The following ITPRID1 variants were observed in gnomAD, a reference collection of about 807,000 sequenced individuals.
ITPRID1 encodes the protein ITPR interacting domain containing 1.
ITPRID1 carries 96 observed loss-of-function variants against 95.4 expected under a neutral mutation model. The ratio of observed to expected loss-of-function variants is 1.01; its 90% CI spans 0.85 to 1.19. The LOEUF (loss-of-function observed/expected upper bound fraction) is 1.19. Among genes scored for constraint, ITPRID1 ranks in the 50% most tolerant of loss-of-function variants. ITPRID1 has a pLI of 0.00. For missense variants in ITPRID1, 1,339 were observed against 1,252.9 expected (o/e 1.07, Z -1.04); for synonymous variants, 510 against 453.6 (o/e 1.12, Z -1.58).
At chr7:31,628,239 C>A (rs114405152) in intron 10 of ITPRID1, among the ~76,000 whole-genome samples, 339 of 152,228 alleles carry the variant, frequency 2.2e-3, no homozygotes, top group African/African-American at 7.8e-3. Context: ...CTACCGGTGC[C>A]TCCCATTGAT....
intron 10 of ITPRID1, among the ~76,000 whole-genome samples, chr7:31,609,313 G>A (rs1470651359): frequency 6.6e-6 from 1 of 151,458 alleles, no homozygotes; most frequent in African/African-American, 2.4e-5. Context: ...AAGTAATACT[G>A]GCCCCAGAGA....
chr7:31,519,620 C>CTCTCTA, intron 1 of ITPRID1, among the ~76,000 whole-genome samples: 59 of 25,242 alleles, frequency 2.3e-3, no homozygotes, highest in Middle Eastern at 0.023. Context: ...CTCTCTCTCT[C>CTCTCTA]TATATATATA....
chr7:31,658,385 T>C, downstream of ITPRID1: 4 of 1,497,040 alleles, frequency 2.7e-6, no homozygotes, highest in Non-Finnish European at 3.5e-6. Context: ...GACTCTGGTC[T>C]GTTGTAATTG....
Position 31,630,061 on chromosome 7 carries a change from T to C in ITPRID1, c.1229-12115T>C, listed in dbSNP as rs76787947. 1.6e-3 allele frequency among the ~76,000 whole-genome samples: 237 copies of C among 152,090 alleles called. 2 individuals carry two copies. The East Asian group carries it at 0.025, about 16-fold the overall frequency. The stretch of plus-strand genomic sequence containing the variant: ...TAGAAAGCTGAATGACAGAAGAAAA[T>C]GAAATTGTCAACAAATACTGATTAA... On this transcript the variant is annotated intron_variant, in intron 10 of 14. Transcript: ENST00000615280.
chr7:31,570,954 A>C (rs1245247350), intron 6 of ITPRID1, among the ~76,000 whole-genome samples: 2 of 152,108 alleles, frequency 1.3e-5, no homozygotes, highest in Non-Finnish European at 2.9e-5. Context: ...CAGAGTTTTT[A>C]CTATCCAGAA....
At chr7:31,526,724 G>C (rs7791839) in intron 1 of ITPRID1, among the ~76,000 whole-genome samples, 2 of 151,846 alleles carry the variant, frequency 1.3e-5, no homozygotes, top group Admixed American at 6.6e-5. Context: ...CAATCAGTCC[G>C]TAAGACCTGC....
chr7:31,615,752 CTT>C lies in ITPRID1; in HGVS notation c.1229-26408_1229-26407del, dbSNP rs11324820. Among the ~76,000 whole-genome samples the C allele has an allele frequency of 5.7e-3, 814 of 143,388 alleles. 6 individuals are homozygous for C. The highest frequency in any genetic ancestry group is 0.018 in the African/African-American group (682 of 38,032). 94.1% of individuals were successfully genotyped at this position (143,388 alleles called of 152,430 possible). ...AGCGTGTTAGAGTTTACTGAGAATT[CTT>C]TTTTTTTTTTTTTTTCTGAGACAGA... On this transcript the variant is annotated intron_variant, in intron 10 of 14. Transcript: ENST00000615280.
intron 10 of ITPRID1, among the ~76,000 whole-genome samples, chr7:31,641,582 T>C (rs1287922157): frequency 1.3e-5 from 2 of 152,192 alleles, no homozygotes; most frequent in Non-Finnish European, 2.9e-5. Context: ...TACAGATAGA[T>C]TTAACATTTC....
intron 10 of ITPRID1, among the ~76,000 whole-genome samples, chr7:31,637,867 T>G (rs868397242): frequency 3.9e-5 from 6 of 152,232 alleles, no homozygotes; most frequent in African/African-American, 1.4e-4. Context: ...TTTATGGTTT[T>G]AGGTCTAACA....
In ITPRID1 at chr7:31,655,481, G is replaced by T. The variant is rs537944461; in HGVS notation, c.*2652G>T. On this transcript the variant is annotated 3_prime_UTR_variant, in exon 15 of 15. Transcript: ENST00000615280. ...TTGGGCTCTCTCAGCCACCATGTGG[G>T]TCATATTTGCTGGATCTACAGTGAA... Among the ~76,000 whole-genome samples the T allele has an allele frequency of 6.6e-6, 1 of 152,248 alleles. No individual in the cohort carries two copies. The highest frequency in any genetic ancestry group is 2.1e-4 in the South Asian group (1 of 4,824).
downstream of ITPRID1, chr7:31,658,418 T>C: frequency 6.7e-7 from 1 of 1,481,872 alleles, no homozygotes; most frequent in Non-Finnish European, 8.9e-7. Flanking sequence ...GAGAAAATAA[T>C]CAGTTTCCAG....
chr7:31,543,346 C>T (rs1783990373), intron 1 of ITPRID1, among the ~76,000 whole-genome samples: 1 of 152,008 alleles, frequency 6.6e-6, no homozygotes, highest in Admixed American at 6.6e-5. Flanking sequence ...AAAAGTAATT[C>T]AGTCGGCTGG....
At chr7:31,620,214 T>G (rs1405735000) in intron 10 of ITPRID1, among the ~76,000 whole-genome samples, 16 of 151,670 alleles carry the variant, frequency 1.1e-4, no homozygotes, top group African/African-American at 7.3e-5. Flanking sequence ...AGTAACCTCT[T>G]CAGACTTAAA....
At position 31,549,470 on chromosome 7, in the gene ITPRID1, A is replaced by T; in HGVS notation, c.-53A>T. On this transcript the variant is annotated 5_prime_UTR_variant, in exon 2 of 15. Transcript: ENST00000615280. ...AAGAAGCAACACACAGAAGAGAAGG[A>T]AAAAGAAAGAAAACTGACCAATATG... The T allele has an allele frequency of 6.6e-7, 1 of 1,523,224 alleles. No individual in the cohort carries two copies. Among genetic ancestry groups the T allele is most frequent in the Non-Finnish European group, 8.8e-7 (1 of 1,141,962 alleles). 94.4% of individuals were successfully genotyped at this position (1,523,224 alleles called of 1,614,324 possible). A position where few individuals can be genotyped will look rare whatever the true frequency, so the allele number is the denominator to read the frequency against.
intron 13 of ITPRID1, 148 bp downstream of exon 13, chr7:31,651,417 C>A: frequency 2.1e-6 from 2 of 943,214 alleles, no homozygotes; most frequent in Non-Finnish European, 3.0e-6. Flanking sequence ...CTTGTTCTTG[C>A]TTTCTCAGTG....
chr7:31,533,946 C>T (rs1490073359), intron 1 of ITPRID1, among the ~76,000 whole-genome samples: 1 of 152,138 alleles, frequency 6.6e-6, no homozygotes, highest in Non-Finnish European at 1.5e-5. Flanking sequence ...CCAGGCGACC[C>T]AGCAGAAGGT....
At chr7:31,615,896 G>A (rs1787168579) in intron 10 of ITPRID1, among the ~76,000 whole-genome samples, 1 of 152,006 alleles carries the variant, frequency 6.6e-6, no homozygotes, top group Non-Finnish European at 1.5e-5. Flanking sequence ...TGGGACTACA[G>A]GGGCCTGCCA....
chr7:31,557,350 T>A (rs1315681293), intron 5 of ITPRID1, among the ~76,000 whole-genome samples: 1 of 152,206 alleles, frequency 6.6e-6, no homozygotes, highest in South Asian at 2.1e-4. Flanking sequence ...GAAAGCATTC[T>A]AGTGAGTCTT....
intron 1 of ITPRID1, among the ~76,000 whole-genome samples, chr7:31,539,479 A>G (rs549969199): frequency 1.2e-4 from 18 of 152,306 alleles, no homozygotes; most frequent in Admixed American, 5.2e-4. Context: ...TGCACTTGAC[A>G]GGGCATAAAT....
Sources: gnomAD v4.1 joint callset for allele counts (sites outside exome capture counted in the v4.1 genomes callset) on GRCh38, gnomAD v4.1.1 for gene constraint, MANE v1.5 for transcripts, NCBI Gene and HGNC (gene_info 2026-07-23, HGNC 2026-07-21) for gene names.